Variants in CPLX2 observed in about 807,000 individuals in gnomAD.
CPLX2 encodes complexin-2.
A neutral mutation model predicts 16.3 loss-of-function variants in CPLX2; 5 were observed. The observed-to-expected ratio is 0.31, with a 90% CI of 0.16 to 0.64. The LOEUF is 0.64. Among genes scored for constraint, CPLX2 ranks in the 30% least tolerant of loss-of-function variants. CPLX2 has a pLI of 0.79. For synonymous variants in CPLX2, 89 were observed against 73.2 expected, an observed-to-expected ratio of 1.22 and a Z score of -1.10; for missense variants, 144 against 181.4, an observed-to-expected ratio of 0.79 and a Z score of 1.18.
At chr5:175,803,817 C>T (rs1758144274) in intron 1 of CPLX2, among the ~76,000 whole-genome samples, 1 of 152,236 alleles carries the variant, frequency 6.6e-6, no homozygotes, top group African/African-American at 2.4e-5. Flanking sequence ...TCCCTGCTGC[C>T]ATCTCTAGAG....
chr5:175,819,505 T>C (rs928751548), intron 2 of CPLX2, among the ~76,000 whole-genome samples: 1 of 152,206 alleles, frequency 6.6e-6, no homozygotes, highest in Non-Finnish European at 1.5e-5. Flanking sequence ...GTTAAACACC[T>C]TTTCATATGC....
At chr5:175,816,073 G>A (rs567270847) in intron 2 of CPLX2, among the ~76,000 whole-genome samples, 1 of 152,336 alleles carries the variant, frequency 6.6e-6, no homozygotes, top group East Asian at 1.9e-4. Context: ...GGAGCCAGCA[G>A]CTCTCCAGGC....
intron 2 of CPLX2, among the ~76,000 whole-genome samples, chr5:175,814,113 T>C (rs753692106): frequency 6.6e-6 from 1 of 152,246 alleles, no homozygotes; most frequent in Non-Finnish European, 1.5e-5. Flanking sequence ...AAGTGGTGTA[T>C]GACTGAGGCA....
intron 2 of CPLX2, among the ~76,000 whole-genome samples, chr5:175,829,234 C>G (rs754669618): frequency 4.1e-4 from 63 of 152,342 alleles, no homozygotes; most frequent in Non-Finnish European, 8.1e-4. Flanking sequence ...GGAGGCATTA[C>G]CGTCCCCAAC....
rs1412555057 is a variant in CPLX2, at chr5:175,882,124, G to A, written c.*2079G>A. 3.1e-5 allele frequency: 4 copies of A among 128,192 alleles called. No homozygotes were observed. Among genetic ancestry groups the A allele is most frequent in the Non-Finnish European group, 3.3e-5 (2 of 60,428 alleles). The allele number at this position is 128,192 out of a possible 1,614,324, so 7.9% of individuals were successfully genotyped here. On this transcript the variant is annotated 3_prime_UTR_variant, in exon 4 of 4. Coordinates refer to ENST00000393745, the MANE Select transcript of CPLX2 (RefSeq NM_001008220.2). ...TGACCTACCTTCCTCCCCGCACCCC[G>A]CCCCCACCTTGTGCCCCTGTGTCCA...
intron 2 of CPLX2, among the ~76,000 whole-genome samples, chr5:175,832,034 C>T (rs1195461464): frequency 6.6e-6 from 1 of 152,234 alleles, no homozygotes; most frequent in Non-Finnish European, 1.5e-5. Context: ...CCCTCCATGT[C>T]TCTTGTCTGT....
chr5:175,843,448 C>CAT (rs1758983929), intron 2 of CPLX2, among the ~76,000 whole-genome samples: 1 of 152,240 alleles, frequency 6.6e-6, no homozygotes, highest in African/African-American at 2.4e-5. Flanking sequence ...CACATGTGTG[C>CAT]ATGCTTACTA....
chr5:175,871,924 G>A (rs1388971432), intron 1 of CPLX2: 1 of 152,242 alleles, frequency 6.6e-6, no homozygotes, highest in Admixed American at 6.5e-5. Context: ...AGCTCCTTGC[G>A]AGGGGCCGCG....
chr5:175,832,980 AC>A (rs1462747991), intron 2 of CPLX2, among the ~76,000 whole-genome samples: 3 of 152,002 alleles, frequency 2.0e-5, no homozygotes. Flanking sequence ...ACATGGTAAA[AC>A]CCCGTCTCTA....
Position 175,880,465 on chromosome 5 carries a change from G to A in CPLX2, c.*420G>A, listed in dbSNP as rs1755559310. On this transcript the variant is annotated 3_prime_UTR_variant, in exon 4 of 4. Transcript: ENST00000393745. Reference sequence around the variant, plus strand: ...TAACCCTCAGTGGGCCCCCAGGTCAGGGCAGGGGCACTGAGTGGCCTGGCT... The same window carrying A: ...TAACCCTCAGTGGGCCCCCAGGTCAAGGCAGGGGCACTGAGTGGCCTGGCT... 1 of 280,218 alleles carries A rather than the reference G, an allele frequency of 3.6e-6. No homozygotes were observed. The highest frequency in any genetic ancestry group is 2.2e-5 in the African/African-American group (1 of 44,824). 17.4% of individuals were successfully genotyped at this position (280,218 alleles called of 1,614,324 possible). A position where few individuals can be genotyped will look rare whatever the true frequency, so the allele number is the denominator to read the frequency against.
At chr5:175,813,587 T>C (rs1177707555) in intron 2 of CPLX2, among the ~76,000 whole-genome samples, 2 of 152,252 alleles carry the variant, frequency 1.3e-5, no homozygotes, top group African/African-American at 2.4e-5. Context: ...CAGGCAGCCA[T>C]GGATCCAGCT....
chr5:175,822,219 A>T (rs1423520079), intron 2 of CPLX2, among the ~76,000 whole-genome samples: 1 of 152,080 alleles, frequency 6.6e-6, no homozygotes, highest in Non-Finnish European at 1.5e-5. Flanking sequence ...ACAGACCATA[A>T]GACGTACTTT....
chr5:175,878,805 G>T, intron 2 of CPLX2, 35 bp downstream of exon 2: 3 of 1,611,652 alleles, frequency 1.9e-6, no homozygotes, highest in South Asian at 1.1e-5. Context: ...GTCCTCAGCC[G>T]GTCCCACCCT....
Position 175,880,501 on chromosome 5 carries a change from G to T in CPLX2, c.*456G>T. 1 of 203,254 alleles carries T rather than the reference G, an allele frequency of 4.9e-6. No individual in the cohort carries two copies. The highest frequency in any genetic ancestry group is 1.0e-5 in the Non-Finnish European group (1 of 99,054). The allele number at this position is 203,254 out of a possible 1,614,324, so 12.6% of individuals were successfully genotyped here. A position where few individuals can be genotyped will look rare whatever the true frequency, so the allele number is the denominator to read the frequency against. The stretch of plus-strand genomic sequence containing the variant: ...CTGAGTGGCCTGGCTCTGAGGAAGG[G>T]AGTCAGGGGAAGCCTGTCCCGGGAA... On this transcript the variant is annotated 3_prime_UTR_variant, in exon 4 of 4. Transcript: ENST00000393745.
chr5:175,848,177 A>AG (rs1158426028), intron 2 of CPLX2, among the ~76,000 whole-genome samples: 2 of 151,178 alleles, frequency 1.3e-5, no homozygotes, highest in East Asian at 3.9e-4. Flanking sequence ...AGGAGATCTG[A>AG]GGGGGGCGGG....
intron 2 of CPLX2, among the ~76,000 whole-genome samples, chr5:175,842,837 C>T (rs1367632615): frequency 6.6e-6 from 1 of 152,202 alleles, no homozygotes; most frequent in Non-Finnish European, 1.5e-5. Context: ...ACAACCATTT[C>T]ACAGAGGGAG....
chr5:175,806,355 A>G (rs182582455), intron 1 of CPLX2, among the ~76,000 whole-genome samples: 1 of 152,000 alleles, frequency 6.6e-6, no homozygotes, highest in Non-Finnish European at 1.5e-5. Context: ...TTAGCTCCAG[A>G]CTCACCTTTT....
upstream of CPLX2, chr5:175,871,456 A>AGG (rs1561790428): frequency 1.7e-4 from 21 of 122,798 alleles, no homozygotes; most frequent in South Asian, 2.7e-4. Context: ...AGAGAGAGAG[A>AGG]GAGAGAGAGA....
chr5:175,861,675 G>A (rs955979276), intron 2 of CPLX2: 1 of 152,356 alleles, frequency 6.6e-6, no homozygotes, highest in Non-Finnish European at 1.5e-5. Context: ...GGGGAGCACA[G>A]CGGCTTCCTG....
Sources: allele counts gnomAD v4.1 joint callset (sites outside exome capture counted in the v4.1 genomes callset), GRCh38; gene constraint gnomAD v4.1.1; transcripts MANE v1.5; gene names NCBI Gene and HGNC (gene_info 2026-07-23, HGNC 2026-07-21).